The following RAPGEF4 variants were observed in gnomAD, a reference collection of about 807,000 sequenced individuals.
RAPGEF4 encodes the protein Rap guanine nucleotide exchange factor 4.
RAPGEF4 carries 66 observed loss-of-function variants against 147.9 expected under a neutral mutation model. The ratio of observed to expected loss-of-function variants is 0.45; its 90% CI spans 0.37 to 0.55. RAPGEF4 has a LOEUF of 0.55. RAPGEF4 is among the 20% of genes least tolerant of loss of function. RAPGEF4 has a pLI of 0.00. For missense variants in RAPGEF4, 1,071 were observed against 1,257.3 expected, an observed-to-expected ratio of 0.85 and a Z score of 2.24; for synonymous variants, 419 against 442.7, an observed-to-expected ratio of 0.95 and a Z score of 0.67.
At chr2:172,785,423 G>A (rs1009528343) in intron 1 of RAPGEF4, among the ~76,000 whole-genome samples, 1 of 152,080 alleles carries the variant, frequency 6.6e-6, no homozygotes, top group African/African-American at 2.4e-5. Flanking sequence ...GACGACGGTG[G>A]TACTAGAAAT....
chr2:172,784,492 T>C (rs1684998110), intron 1 of RAPGEF4, among the ~76,000 whole-genome samples: 1 of 148,666 alleles, frequency 6.7e-6, no homozygotes, highest in Non-Finnish European at 1.5e-5. Context: ...CACTCCAGCC[T>C]GGGCAACAGA....
intron 1 of RAPGEF4, among the ~76,000 whole-genome samples, chr2:172,792,212 T>C (rs1391331903): frequency 6.6e-6 from 1 of 152,202 alleles, no homozygotes; most frequent in Non-Finnish European, 1.5e-5. Context: ...TGCCAGCTGC[T>C]GCTGTCCTTG....
intron 4 of RAPGEF4, chr2:172,821,614 G>A (rs1365166818): frequency 1.0e-5 from 10 of 1,002,692 alleles, no homozygotes; most frequent in East Asian, 1.0e-4. Context: ...AGCCTGCTTC[G>A]ATGACTTGGA....
intron 1 of RAPGEF4, among the ~76,000 whole-genome samples, chr2:172,791,589 G>GA (rs760069631): frequency 4.6e-5 from 7 of 152,124 alleles, no homozygotes; most frequent in Non-Finnish European, 8.8e-5. Context: ...ATTAATGACA[G>GA]ATAGAAGGTT....
At position 172,877,523 on chromosome 2, in the gene RAPGEF4, A is replaced by T. The variant is rs369379834; in HGVS notation, c.445-40279A>T. On this transcript the variant is annotated intron_variant, in intron 4 of 30. Transcript: ENST00000397081. ...TTTTGCACATGTATCTCAGAACTTA[A>T]AGTATAAAAAAAAAAAAAAGAAAAG... Among the ~76,000 whole-genome samples, 498 of 145,968 alleles carry T rather than the reference A, an allele frequency of 3.4e-3. 3 individuals carry two copies. Among genetic ancestry groups the T allele is most frequent in the African/African-American group, 0.011 (466 of 41,020 alleles).
At chr2:172,757,118 A>T (rs2149456421) in intron 1 of RAPGEF4, among the ~76,000 whole-genome samples, 2 of 152,354 alleles carry the variant, frequency 1.3e-5, no homozygotes, top group South Asian at 4.1e-4. Context: ...TAATTTGTGG[A>T]TTTGCAGCAA....
chr2:172,799,361 A>G (rs1686736706), intron 3 of RAPGEF4, among the ~76,000 whole-genome samples: 1 of 152,202 alleles, frequency 6.6e-6, no homozygotes, highest in Admixed American at 6.5e-5. Flanking sequence ...CCAAGCAGTC[A>G]GGCACCTGAA....
chr2:173,014,742 A>G (rs2105889417), intron 18 of RAPGEF4, 128 bp downstream of exon 18: 1 of 912,014 alleles, frequency 1.1e-6, no homozygotes, highest in South Asian at 2.5e-5. Context: ...ACATTCATTC[A>G]TCAGAAAGGA....
chr2:173,001,993 C>CAAAAAAAAAAAAGAA, intron 17 of RAPGEF4, among the ~76,000 whole-genome samples: 1 of 79,312 alleles, frequency 1.3e-5, no homozygotes, highest in South Asian at 5.0e-4. Flanking sequence ...GTGATGCTGG[C>CAAAAAAAAAAAAGAA]AAAAAAAAAA....
intron 22 of RAPGEF4, 73 bp from the exon 23 acceptor site, chr2:173,020,545 T>C: frequency 8.4e-7 from 1 of 1,186,980 alleles, no homozygotes; most frequent in South Asian, 1.2e-5. Context: ...TGGCAATTTG[T>C]TGGTGTGATT....
intron 3 of RAPGEF4, among the ~76,000 whole-genome samples, chr2:172,798,293 A>T (rs1002278681): frequency 2.0e-5 from 3 of 152,084 alleles, no homozygotes; most frequent in South Asian, 2.1e-4. Flanking sequence ...AAAGAATATT[A>T]AAAAAAGAAA....
At chr2:172,853,660 A>G (rs561741630) in intron 4 of RAPGEF4, among the ~76,000 whole-genome samples, 1 of 151,614 alleles carries the variant, frequency 6.6e-6, no homozygotes, top group South Asian at 2.1e-4. Flanking sequence ...CTTCCTTTCT[A>G]CTATAAACAT....
chr2:172,801,301 A>G (rs1686950882), intron 3 of RAPGEF4, among the ~76,000 whole-genome samples: 1 of 152,206 alleles, frequency 6.6e-6, no homozygotes, highest in Admixed American at 6.5e-5. Flanking sequence ...AAAACTGAGG[A>G]AAGAGAAAAG....
chr2:172,750,201 C>T (rs939690288), intron 1 of RAPGEF4, among the ~76,000 whole-genome samples: 1 of 152,024 alleles, frequency 6.6e-6, no homozygotes, highest in African/African-American at 2.4e-5. Flanking sequence ...AGCAGCACCC[C>T]ACTCTCCTGG....
chr2:172,843,733 G>C (rs1328809432), intron 4 of RAPGEF4, among the ~76,000 whole-genome samples: 1 of 96 alleles, frequency 0.01, no homozygotes, highest in Non-Finnish European at 0.025. Context: ...TTATGTATTT[G>C]ATTTTGAGAT....
intron 1 of RAPGEF4, among the ~76,000 whole-genome samples, chr2:172,767,620 T>C (rs1696974752): frequency 6.6e-6 from 1 of 152,226 alleles, no homozygotes; most frequent in African/African-American, 2.4e-5. Context: ...AATTTTTTCT[T>C]TCTGCTTTCT....
intron 6 of RAPGEF4, among the ~76,000 whole-genome samples, chr2:172,949,489 T>C (rs1424880601): frequency 6.6e-6 from 1 of 152,176 alleles, no homozygotes. Flanking sequence ...CCTAACCCGA[T>C]CAATAATCTC....
chr2:172,814,537 A>G, intron 4 of RAPGEF4, 112 bp downstream of exon 4: 2 of 1,307,026 alleles, frequency 1.5e-6, no homozygotes, highest in East Asian at 2.4e-5. Context: ...CTGAGCTGGT[A>G]GATGGAATTT....
At chr2:172,790,422 A>G (rs892286548) in intron 1 of RAPGEF4, among the ~76,000 whole-genome samples, 3 of 152,224 alleles carry the variant, frequency 2.0e-5, no homozygotes, top group Non-Finnish European at 4.4e-5. Context: ...ATTAGATGCC[A>G]GGCTAAAGAA....
Sources: allele counts gnomAD v4.1 joint callset (sites outside exome capture counted in the v4.1 genomes callset), GRCh38; gene constraint gnomAD v4.1.1; transcripts MANE v1.5; gene names NCBI Gene and HGNC (gene_info 2026-07-23, HGNC 2026-07-21).